SHISA9: variants seen among roughly 807,000 people sequenced by gnomAD.
SHISA9 encodes the protein protein shisa-9.
A neutral mutation model predicts 38.0 loss-of-function variants in SHISA9; 13 were observed. The ratio of observed to expected loss-of-function variants is 0.34; its 90% CI spans 0.22 to 0.54. SHISA9 has a LOEUF of 0.54. Among genes scored for constraint, SHISA9 ranks in the 20% least tolerant of loss-of-function variants. SHISA9 has a pLI of 0.91. For missense variants in SHISA9, 538 were observed against 575.8 expected, an observed-to-expected ratio of 0.93 and a Z score of 0.67; for synonymous variants, 275 against 242.0, an observed-to-expected ratio of 1.14 and a Z score of -1.27.
At chr16:13,011,660 T>C (rs2072677336) in intron 2 of SHISA9, among the ~76,000 whole-genome samples, 1 of 151,984 alleles carries the variant, frequency 6.6e-6, no homozygotes, top group Non-Finnish European at 1.5e-5. Context: ...TAGCTGGGAG[T>C]ACAGGCACCC....
At chr16:13,397,248 CT>C in the SHISA9 span, among the ~76,000 whole-genome samples, 14 of 152,190 alleles carry the variant, frequency 9.2e-5, no homozygotes, top group Admixed American at 5.9e-4. Flanking sequence ...CCTTATCCCC[CT>C]GGCAGGGCTT....
chr16:13,198,797 GCTAT>G (rs1429223635), intron 2 of SHISA9, among the ~76,000 whole-genome samples: 2 of 152,166 alleles, frequency 1.3e-5, no homozygotes, highest in Non-Finnish European at 2.9e-5. Context: ...GCACAAAATG[GCTAT>G]CTAAAACTGC....
At chr16:13,254,791 C>T in the SHISA9 span, among the ~76,000 whole-genome samples, 2 of 152,186 alleles carry the variant, frequency 1.3e-5, no homozygotes, top group Non-Finnish European at 2.9e-5. Flanking sequence ...CACTGGACTT[C>T]AACAAATGAA....
rs149471451 is a variant in SHISA9, at chr16:12,923,970, C to A, written c.691+7155C>A. Among the ~76,000 whole-genome samples the A allele has an allele frequency of 2.4e-3, 371 of 152,256 alleles. 1 individual carries two copies. Among genetic ancestry groups the A allele is most frequent in the African/African-American group, 8.4e-3 (349 of 41,536 alleles). ...TGTCTCACAGTGAATATTTGAGTCTCAGGAGGGGTAGGGATCAGGACCATC... is the reference window on the plus strand; with the variant it reads ...TGTCTCACAGTGAATATTTGAGTCTAAGGAGGGGTAGGGATCAGGACCATC... On this transcript the variant is annotated intron_variant, in intron 2 of 4. Coordinates refer to ENST00000558583, the MANE Select transcript of SHISA9 (RefSeq NM_001145204.3).
chr16:13,263,556 G>A, the SHISA9 span, among the ~76,000 whole-genome samples: 2 of 152,168 alleles, frequency 1.3e-5, no homozygotes, highest in Non-Finnish European at 2.9e-5. Context: ...GACCTCCCCA[G>A]AAGCTGAACA....
At chr16:13,260,257 C>A in the SHISA9 span, among the ~76,000 whole-genome samples, 1 of 152,034 alleles carries the variant, frequency 6.6e-6, no homozygotes, top group African/African-American at 2.4e-5. Flanking sequence ...ACCTTGTGAT[C>A]TGCCTGCCTT....
At chr16:13,105,093 A>G (rs187617822) in intron 2 of SHISA9, among the ~76,000 whole-genome samples, 2 of 152,318 alleles carry the variant, frequency 1.3e-5, no homozygotes, top group African/African-American at 4.8e-5. Flanking sequence ...AATAAACAAT[A>G]AAATATATTA....
intron 2 of SHISA9, among the ~76,000 whole-genome samples, chr16:13,170,877 C>T (rs1567234243): frequency 1.3e-5 from 2 of 152,078 alleles, no homozygotes; most frequent in African/African-American, 4.8e-5. Context: ...GGCTGGTCTC[C>T]AACTCCTGAC....
chr16:13,407,447 A>G, the SHISA9 span, among the ~76,000 whole-genome samples: 1 of 152,074 alleles, frequency 6.6e-6, no homozygotes, highest in South Asian at 2.1e-4. Flanking sequence ...TGACCTAATA[A>G]CCCCAAAAGG....
chr16:12,999,286 AT>A (rs2072495622), intron 2 of SHISA9, among the ~76,000 whole-genome samples: 1 of 152,194 alleles, frequency 6.6e-6, no homozygotes, highest in South Asian at 2.1e-4. Context: ...TAAATAGACC[AT>A]GAAAAGGACA....
At chr16:13,397,415 G>GGTTC in the SHISA9 span, among the ~76,000 whole-genome samples, 29 of 151,858 alleles carry the variant, frequency 1.9e-4, no homozygotes, top group African/African-American at 6.8e-4. Context: ...CAGTGTTTTT[G>GGTTC]GTTTGTTTGT....
the SHISA9 span, among the ~76,000 whole-genome samples, chr16:13,389,689 A>C: frequency 1.4e-4 from 22 of 152,194 alleles, no homozygotes; most frequent in African/African-American, 5.3e-4. Flanking sequence ...TCCTCTGATT[A>C]ACCTAGGCTC....
the SHISA9 span, among the ~76,000 whole-genome samples, chr16:13,518,608 A>C: frequency 2.0e-5 from 3 of 152,108 alleles, no homozygotes; most frequent in Non-Finnish European, 4.4e-5. Context: ...AATGACAGAA[A>C]TGGGACTTCA....
intron 2 of SHISA9, among the ~76,000 whole-genome samples, chr16:13,036,179 CT>C (rs1197679282): frequency 6.6e-6 from 1 of 152,188 alleles, no homozygotes; most frequent in Non-Finnish European, 1.5e-5. Context: ...CGCACAAAGT[CT>C]TGTATACTAA....
At chr16:12,977,067 C>T (rs142885766) in intron 2 of SHISA9, among the ~76,000 whole-genome samples, 552 of 152,210 alleles carry the variant, frequency 3.6e-3, no homozygotes, top group Non-Finnish European at 6.8e-3. Context: ...GAGGTTTGGC[C>T]ATATGACTTA....
At chr16:13,306,038 G>A in the SHISA9 span, among the ~76,000 whole-genome samples, 1 of 152,182 alleles carries the variant, frequency 6.6e-6, no homozygotes, top group Non-Finnish European at 1.5e-5. Context: ...AGAAGTGTGT[G>A]CAAGGTACAG....
chr16:13,235,286 C>A lies in SHISA9; in HGVS notation c.1152C>A (p.Ser384Arg). ...AGTCCCTCCGGCGGCAGGCTTACAGCAACAAGGGCAAGCTTGGCACGGCCG... is the reference window on the plus strand; with the variant it reads ...AGTCCCTCCGGCGGCAGGCTTACAGAAACAAGGGCAAGCTTGGCACGGCCG... ...NEQSLRRQAY[S>R]NKGKLGTAET... Residue 384 changes from serine (S) to arginine (R), a missense_variant, in exon 5 of 5, where the codon AGC (serine) becomes AGA (arginine). By Grantham distance (110) the Ser-to-Arg change is moderately radical. Coordinates refer to ENST00000558583, the MANE Select transcript of SHISA9 (RefSeq NM_001145204.3). 1 of 1,551,528 alleles carries A rather than the reference C, an allele frequency of 6.4e-7. No individual in the cohort carries two copies.
In SHISA9 at chr16:13,235,479, C is replaced by T. The variant is rs1394021242; in HGVS notation, c.*70C>T. 2 of 1,448,066 alleles carry T rather than the reference C, an allele frequency of 1.4e-6. No homozygotes were observed. The highest frequency in any genetic ancestry group is 1.4e-5 in the South Asian group (1 of 70,946). The allele number at this position is 1,448,066 out of a possible 1,614,324, so 89.7% of individuals were successfully genotyped here. ...GAGGCAAAAAACAACCCCGCCCACA[C>T]CCTCCCCATCCTCCCCTAATACATG... is the stretch of plus-strand genomic sequence containing the variant. On this transcript the variant is annotated 3_prime_UTR_variant, in exon 5 of 5. Coordinates refer to ENST00000558583, the MANE Select transcript of SHISA9 (RefSeq NM_001145204.3).
At chr16:12,989,198 T>G (rs17835762) in intron 2 of SHISA9, among the ~76,000 whole-genome samples, 28,010 of 152,158 alleles carry the variant, frequency 0.18, 3,360 homozygotes, top group Middle Eastern at 0.31. Flanking sequence ...TTTGCTTTGT[T>G]TCCTTTTAGG....
Sources: allele counts gnomAD v4.1 joint callset (sites outside exome capture counted in the v4.1 genomes callset), GRCh38; gene constraint gnomAD v4.1.1; transcripts MANE v1.5; gene names NCBI Gene and HGNC (gene_info 2026-07-23, HGNC 2026-07-21).